Variants in ZFAT observed in about 807,000 individuals in gnomAD.
ZFAT encodes zinc finger protein ZFAT.
In ZFAT, 64 loss-of-function variants were observed where a neutral mutation model predicts 117.7. The observed-to-expected ratio is 0.54, with a 90% CI of 0.44 to 0.67. ZFAT has a LOEUF of 0.67. ZFAT is among the 30% of genes least tolerant of loss of function. The pLI, the probability that ZFAT is intolerant of heterozygous loss-of-function variation, is 0.00. For missense variants in ZFAT, 1,433 were observed against 1,584.5 expected, an observed-to-expected ratio of 0.90 and a Z score of 1.62; for synonymous variants, 679 against 615.0, an observed-to-expected ratio of 1.10 and a Z score of -1.54.
intron 10 of ZFAT, among the ~76,000 whole-genome samples, chr8:134,583,631 T>A (rs1410857389): frequency 6.6e-6 from 1 of 152,210 alleles, no homozygotes; most frequent in East Asian, 1.9e-4. Context: ...AGTAAGTGTT[T>A]ATCCTGCACC....
chr8:134,569,524 G>C (rs978204894), intron 10 of ZFAT, among the ~76,000 whole-genome samples: 1 of 151,482 alleles, frequency 6.6e-6, no homozygotes, highest in African/African-American at 2.4e-5. Flanking sequence ...CCCAAGAAGA[G>C]CCAGTTGCAG....
Position 134,478,649 on chromosome 8 carries a change from G to C in ZFAT, c.3565C>G (p.Leu1189Val). Residue 1189 changes from leucine (L) to valine (V), a missense_variant, in exon 16 of 16, where the codon CTT becomes GTT. Transcript: ENST00000377838. This position sits in a 1 kb window ranked among gnomAD's most constrained non-coding sequence, Gnocchi z 5.2. Reference sequence around the variant, plus strand: ...ACCACCAGGTGGTGCTGCTCGGCAAGCTCCACGGACGCTTGCTGGACCGTC... The same window carrying C: ...ACCACCAGGTGGTGCTGCTCGGCAACCTCCACGGACGCTTGCTGGACCGTC... ...QETVQQASVE[L>V]AEQHHLVVSS... is the part of the protein sequence containing the mutation. 6.3e-7 allele frequency: 1 copy of C among 1,583,618 alleles called. No individual in the cohort carries two copies. The highest frequency in any genetic ancestry group is 8.6e-7 in the Non-Finnish European group (1 of 1,165,440).
At chr8:134,578,176 G>A (rs1825450749) in intron 10 of ZFAT, among the ~76,000 whole-genome samples, 1 of 152,068 alleles carries the variant, frequency 6.6e-6, no homozygotes, top group African/African-American at 2.4e-5. Context: ...ACTCTGGGAG[G>A]CTGAGGCGGG....
In ZFAT at chr8:134,601,772, G is replaced by T; in HGVS notation, c.1947C>A (p.Gly649=). ...QSAGSDQESH[G]AQSPLGEGQN... is the part of the protein sequence containing the mutation. ...GCCCTTCCCCTAGGGGGCTCTGGGCGCCATGGCTTTCCTGATCTGACCCAG... is the reference window on the plus strand; with the variant it reads ...GCCCTTCCCCTAGGGGGCTCTGGGCTCCATGGCTTTCCTGATCTGACCCAG... Residue 649 remains glycine, a synonymous_variant, in exon 6 of 16, where the codon GGC becomes GGA. Transcript: ENST00000377838. 1.9e-6 allele frequency: 3 copies of T among 1,613,822 alleles called. No individual in the cohort carries two copies. The highest frequency in any genetic ancestry group is 2.5e-6 in the Non-Finnish European group (3 of 1,179,912).
the ZFAT span, among the ~76,000 whole-genome samples, chr8:134,733,026 A>C: frequency 2.0e-5 from 3 of 152,228 alleles, no homozygotes; most frequent in African/African-American, 7.2e-5. Flanking sequence ...CCACACTAAT[A>C]TAAGGTGTTC....
chr8:134,511,808 A>G (rs1201790457), intron 14 of ZFAT, among the ~76,000 whole-genome samples: 2 of 152,186 alleles, frequency 1.3e-5, no homozygotes, highest in Admixed American at 6.5e-5. Flanking sequence ...CTGATTTAAC[A>G]TTTGAAAATC....
At chr8:134,568,842 G>C (rs1333936358) in intron 10 of ZFAT, among the ~76,000 whole-genome samples, 1 of 152,170 alleles carries the variant, frequency 6.6e-6, no homozygotes, top group Non-Finnish European at 1.5e-5. Flanking sequence ...GCAGATTCAT[G>C]ACTAATCATA....
chr8:134,588,489 A>C (rs1378123397), intron 8 of ZFAT, 94 bp from the exon 9 acceptor site: 1 of 1,350,242 alleles, frequency 7.4e-7, no homozygotes, highest in Non-Finnish European at 9.8e-7. Context: ...CCACAGGAGG[A>C]ATCAAGGTGT....
intron 9 of ZFAT, 25 bp downstream of exon 9, chr8:134,588,221 C>A: frequency 6.5e-7 from 1 of 1,526,796 alleles, no homozygotes; most frequent in Non-Finnish European, 8.8e-7. Context: ...AGAAAGGTGC[C>A]CAATTTGGAA....
the ZFAT span, among the ~76,000 whole-genome samples, chr8:134,789,464 A>G: frequency 1.3e-5 from 2 of 152,156 alleles, no homozygotes; most frequent in African/African-American, 4.8e-5. Flanking sequence ...TCTCTTCAAC[A>G]TTTCTTTCAG....
chr8:134,793,367 C>T, the ZFAT span: 2 of 152,194 alleles, frequency 1.3e-5, no homozygotes, highest in Non-Finnish European at 2.9e-5. Flanking sequence ...ACTATTAAGA[C>T]TTGACACTGG....
At chr8:134,729,439 C>T in the ZFAT span, among the ~76,000 whole-genome samples, 1 of 152,256 alleles carries the variant, frequency 6.6e-6, no homozygotes, top group African/African-American at 2.4e-5. Context: ...TCATGCCATT[C>T]TCCTGCCTCA....
At chr8:134,696,560 C>T in intron 1 of ZFAT, 1 of 986,142 alleles carries the variant, frequency 1.0e-6, no homozygotes, top group African/African-American at 1.7e-5. Context: ...TGCACTCTCC[C>T]AGGAAGCCCT....
At chr8:134,668,911 C>A (rs1242814545) in intron 1 of ZFAT, among the ~76,000 whole-genome samples, 1 of 152,102 alleles carries the variant, frequency 6.6e-6, no homozygotes, top group Non-Finnish European at 1.5e-5. Context: ...TCCTTAAATA[C>A]CTGATGGAGG....
Position 134,650,023 on chromosome 8 carries a change from C to T in ZFAT, c.196+7538G>A, listed in dbSNP as rs189601433. Among the ~76,000 whole-genome samples, 221 of 152,294 alleles carry T rather than the reference C, an allele frequency of 1.5e-3. 1 individual carries two copies. Among genetic ancestry groups the T allele is most frequent in the African/African-American group, 4.9e-3 (205 of 41,568 alleles). On this transcript the variant is annotated intron_variant, in intron 2 of 15. Transcript: ENST00000377838. ...GTCCTGCTGCCCTGTGAAGAAGGTT[C>T]CTGCTTCTCCTTTGCCTTCTACCAT...
chr8:134,503,314 T>A (rs778270006), intron 15 of ZFAT, among the ~76,000 whole-genome samples: 1 of 152,166 alleles, frequency 6.6e-6, no homozygotes, highest in Non-Finnish European at 1.5e-5. Flanking sequence ...GTGATAGAAA[T>A]ACGGATCTGC....
chr8:134,763,922 C>T, the ZFAT span, among the ~76,000 whole-genome samples: 5 of 152,254 alleles, frequency 3.3e-5, no homozygotes, highest in South Asian at 1.0e-3. Flanking sequence ...AATCAGGTTT[C>T]CTTTCCTGGA....
intron 1 of ZFAT, among the ~76,000 whole-genome samples, chr8:134,694,227 T>C (rs1227054451): frequency 3.9e-5 from 6 of 152,286 alleles, no homozygotes; most frequent in African/African-American, 1.4e-4. Flanking sequence ...CCATAAAGGG[T>C]GTCGCTGGGA....
chr8:134,686,535 G>C (rs944922277), intron 1 of ZFAT, among the ~76,000 whole-genome samples: 17 of 151,968 alleles, frequency 1.1e-4, no homozygotes, highest in African/African-American at 4.1e-4. Context: ...AAATTTTAAA[G>C]GAAAAGATAT....
Sources: gnomAD v4.1 joint callset for allele counts (sites outside exome capture counted in the v4.1 genomes callset) on GRCh38, gnomAD v4.1.1 for gene constraint, Gnocchi (gnomAD v3.1) non-coding constraint, MANE v1.5 for transcripts, NCBI Gene and HGNC (gene_info 2026-07-23, HGNC 2026-07-21) for gene names.